The following VSTM1 variants were observed in gnomAD, a reference collection of about 807,000 sequenced individuals.
VSTM1 encodes V-set and transmembrane domain containing 1.
Under a neutral mutation model 33.1 loss-of-function variants are expected in VSTM1, and 27 were observed. The observed-to-expected ratio is 0.82, with a 90% CI of 0.60 to 1.12. VSTM1 has a LOEUF of 1.12. Among genes scored for constraint, VSTM1 ranks in the 50% most tolerant of loss-of-function variants. VSTM1 has a pLI of 0.00. For missense variants in VSTM1, 304 were observed against 288.9 expected (o/e 1.05, Z -0.38); for synonymous variants, 115 against 110.3 (o/e 1.04, Z -0.27).
At chr19:54,059,916 C>T (rs111850908) in intron 1 of VSTM1, among the ~76,000 whole-genome samples, 24 of 151,152 alleles carry the variant, frequency 1.6e-4, no homozygotes, top group African/African-American at 3.4e-4. Flanking sequence ...GGCGCGATCT[C>T]GGCTCACCGC....
At chr19:54,047,182 C>T (rs527748426) in intron 4 of VSTM1, among the ~76,000 whole-genome samples, 3 of 152,052 alleles carry the variant, frequency 2.0e-5, no homozygotes, top group South Asian at 2.1e-4. Flanking sequence ...GCAACAAGAG[C>T]GAAACTCTGT....
chr19:54,063,108 C>T (rs1447411298), intron 1 of VSTM1, among the ~76,000 whole-genome samples: 2 of 152,020 alleles, frequency 1.3e-5, no homozygotes, highest in African/African-American at 2.4e-5. Flanking sequence ...GAGGCTGAGG[C>T]GGGCGGATCA....
chr19:54,040,984 C>T lies in VSTM1; in HGVS notation c.688G>A (p.Glu230Lys). Reference sequence around the variant, plus strand: ...TGCTACACTTTCAGTGCCGCATATTCATGAGATCCTGGGGGCTCCTGGGTG... The same window carrying T: ...TGCTACACTTTCAGTGCCGCATATTTATGAGATCCTGGGGGCTCCTGGGTG... ...DTTQEPPGSH[E>K]YAALKV Residue 230 changes from glutamate to lysine, a missense_variant, in exon 9 of 9, where the codon GAA becomes AAA. Glu to Lys is a moderately conservative substitution (Grantham distance 56). Coordinates refer to ENST00000338372, the MANE Select transcript of VSTM1 (RefSeq NM_198481.4). 6.2e-7 allele frequency: 1 copy of T among 1,610,906 alleles called. No homozygotes were observed. The highest frequency in any genetic ancestry group is 1.3e-5 in the African/African-American group (1 of 74,758).
intron 3 of VSTM1, chr19:54,052,965 G>T: frequency 8.8e-6 from 1 of 113,272 alleles, no homozygotes; most frequent in South Asian, 1.6e-4. Flanking sequence ...CTGGGCAACC[G>T]AGTGGGACCC....
At chr19:54,042,225 A>AC in intron 5 of VSTM1, 29 bp from the exon 6 acceptor site, 1 of 1,614,028 alleles carries the variant, frequency 6.2e-7, no homozygotes, top group Non-Finnish European at 8.5e-7. Flanking sequence ...GAATTTACCT[A>AC]CCGAGAAAAT....
At position 54,058,457 on chromosome 19, in the gene VSTM1, G is replaced by GT. The variant is rs769585658; in HGVS notation, c.203dup (p.Tyr68Ter). ...TTTCTGCCGAGCTCTGTTCCTGCTT[G>GT]TACCCAGAGTCGTTCACCTTGCGCA... ...FVLRKVNDSG[Y>*]KQEQSSAENE... The change falls in exon 3 of 9, where the codon TAC becomes TAAC. Residue 68 changes from tyrosine to a stop codon, truncating the protein, a stop_gained and frameshift_variant. Transcript: ENST00000338372. LOFTEE classifies it high-confidence loss of function. 1.9e-6 allele frequency: 3 copies of GT among 1,614,076 alleles called. No individual in the cohort carries two copies. The highest frequency in any genetic ancestry group is 1.7e-4 in the Middle Eastern group (1 of 6,060).
rs1244817562 is a variant in VSTM1 at position 54,063,814 on chromosome 19, GT to G, written c.-38del. Reference sequence around the variant, plus strand: ...TGCCAGAACCAAGGCCCCGCCTTGGGTTTTACCCTTCAAAGGCGGAGCGGGA... The same window carrying G: ...TGCCAGAACCAAGGCCCCGCCTTGGGTTTACCCTTCAAAGGCGGAGCGGGA... On this transcript the variant is annotated 5_prime_UTR_variant, in exon 1 of 9. Transcript: ENST00000338372. 1 of 1,612,416 alleles carries G rather than the reference GT, an allele frequency of 6.2e-7. No individual in the cohort carries two copies. Among genetic ancestry groups the G allele is most frequent in the South Asian group, 1.1e-5 (1 of 90,670 alleles).
At position 54,054,660 on chromosome 19, in the gene VSTM1, TG is replaced by T. The variant is rs1291083030; in HGVS notation, c.356-3213del. Among the ~76,000 whole-genome samples the T allele has an allele frequency of 5.0e-5, 7 of 140,738 alleles. 2 individuals are homozygous for T. The highest frequency in any genetic ancestry group is 1.8e-4 in the African/African-American group (7 of 38,148). The allele number at this position is 140,738 out of a possible 152,430, so 92.3% of individuals were successfully genotyped here. On this transcript the variant is annotated intron_variant, in intron 3 of 8. Transcript: ENST00000338372. ...ATGGATGGATGGATGGATGGATGGATGGATAGATGGATAGGTGGGTGGGGGT... is the reference window on the plus strand; with the variant it reads ...ATGGATGGATGGATGGATGGATGGATGATAGATGGATAGGTGGGTGGGGGT...
Position 54,058,351 on chromosome 19 carries a change from G to T in VSTM1, c.310C>A (p.His104Asn). 6.2e-7 allele frequency: 1 copy of T among 1,614,110 alleles called. No homozygotes were observed. The highest frequency in any genetic ancestry group is 8.5e-7 in the Non-Finnish European group (1 of 1,180,020). The change falls in exon 3 of 9, where the codon CAT (histidine) becomes AAT (asparagine). Residue 104 changes from histidine (H) to asparagine (N), a missense_variant. Transcript: ENST00000338372. ...TGTTCACTGCTTTCTGACCACTCATGGGAGGCTGTTGTCTTGTAGGCACAA... is the reference window on the plus strand; with the variant it reads ...TGTTCACTGCTTTCTGACCACTCATTGGAGGCTGTTGTCTTGTAGGCACAA... ...YFCAYKTTAS[H>N]EWSESSEHLQ... is the part of the protein sequence containing the mutation.
At chr19:54,063,723 G>C in intron 1 of VSTM1, 21 bp downstream of exon 1, 1 of 1,613,332 alleles carries the variant, frequency 6.2e-7, no homozygotes, top group African/African-American at 1.3e-5. Flanking sequence ...AAGCCCATTC[G>C]TCCCAGTCCT....
At chr19:54,045,473 C>T (rs998187922) in intron 4 of VSTM1, among the ~76,000 whole-genome samples, 10 of 152,036 alleles carry the variant, frequency 6.6e-5, no homozygotes, top group African/African-American at 2.4e-4. Context: ...CTTTATCTGT[C>T]TATCCACCTG....
At chr19:54,063,635 A>C in intron 1 of VSTM1, 109 bp downstream of exon 1, 1 of 1,397,562 alleles carries the variant, frequency 7.2e-7, no homozygotes, top group Non-Finnish European at 1.0e-6. Flanking sequence ...CAGGTGTGCA[A>C]CACCTGGAAG....
Position 54,048,699 on chromosome 19 carries a change from C to T in VSTM1, c.394+2711G>A, listed in dbSNP as rs554425912. On this transcript the variant is annotated intron_variant, in intron 4 of 8. Transcript: ENST00000338372. Reference sequence around the variant, plus strand: ...CTAGGTACATACTCAAGATAATTTACAGCGCGGAGACAAACAGATACTCCT... The same window carrying T: ...CTAGGTACATACTCAAGATAATTTATAGCGCGGAGACAAACAGATACTCCT... 2.6e-5 allele frequency among the ~76,000 whole-genome samples: 4 copies of T among 152,276 alleles called. No individual in the cohort carries two copies. The East Asian group carries it at 7.7e-4, about 29-fold the overall frequency.
intron 4 of VSTM1, among the ~76,000 whole-genome samples, chr19:54,048,197 C>G (rs1461527664): frequency 6.6e-6 from 1 of 152,130 alleles, no homozygotes; most frequent in Non-Finnish European, 1.5e-5. Context: ...TTCACTGAAG[C>G]CTCAACCTCC....
rs1307298130 is a variant in VSTM1, at chr19:54,063,728, A to G, written c.34+16T>C. On this transcript the variant is annotated intron_variant, in intron 1 of 8. Coordinates refer to ENST00000338372, the MANE Select transcript of VSTM1 (RefSeq NM_198481.4). ...TCACCAGCCCAAGCCCATTCGTCCCAGTCCTGGAGACTCACCGAGGCAAAG... is the reference window on the plus strand; with the variant it reads ...TCACCAGCCCAAGCCCATTCGTCCCGGTCCTGGAGACTCACCGAGGCAAAG... 1.2e-6 allele frequency: 2 copies of G among 1,613,570 alleles called. No individual in the cohort carries two copies. The highest frequency in any genetic ancestry group is 2.7e-5 in the African/African-American group (2 of 75,040).
chr19:54,060,797 C>G, intron 1 of VSTM1, among the ~76,000 whole-genome samples: 1 of 151,736 alleles, frequency 6.6e-6, no homozygotes, highest in East Asian at 1.9e-4. Flanking sequence ...CTCAAGTGAT[C>G]CATCCATCTC....
rs1183115407 is a variant in VSTM1 at position 54,042,191 on chromosome 19, A to T, written c.493T>A (p.Ser165Thr). Residue 165 changes from serine (S) to threonine (T), a missense_variant, in exon 6 of 9, where the codon TCA becomes ACA. Transcript: ENST00000338372. Reference protein sequence around the residue: ...IIYRCSQHSSSSEESTKRTSH... With the variant: ...IIYRCSQHSSTSEESTKRTSH... ...TACCTCTTGGTGGATTCCTCAGATGATGAACCTACAAAAAATGCAGGAGGA... is the reference window on the plus strand; with the variant it reads ...TACCTCTTGGTGGATTCCTCAGATGTTGAACCTACAAAAAATGCAGGAGGA... 2 of 1,613,904 alleles carry T rather than the reference A, an allele frequency of 1.2e-6. No homozygotes were observed.
chr19:54,054,010 T>C lies in VSTM1; in HGVS notation c.356-2562A>G, dbSNP rs1221407319. The stretch of plus-strand genomic sequence containing the variant: ...GGCAGCTATTTTTGTGCCAGGTATT[T>C]TGCATTAATTTTTTTTTGTAATGGA... On this transcript the variant is annotated intron_variant, in intron 3 of 8. Coordinates refer to ENST00000338372, the MANE Select transcript of VSTM1 (RefSeq NM_198481.4). 2.1e-5 allele frequency among the ~76,000 whole-genome samples: 3 copies of C among 141,888 alleles called. No individual in the cohort carries two copies. In the East Asian group the frequency reaches 5.9e-4, roughly 28 times the overall value. 93.1% of individuals were successfully genotyped at this position (141,888 alleles called of 152,430 possible).
Position 54,042,187 on chromosome 19 carries a change from G to A in VSTM1, c.497C>T (p.Ser166Phe), listed in dbSNP as rs755381463. Residue 166 changes from serine (S) to phenylalanine (F), a missense_variant, in exon 6 of 9, where the codon TCT becomes TTT. Ser to Phe is a radical substitution (Grantham distance 155). Transcript: ENST00000338372. The part of the protein sequence containing the change: ...IYRCSQHSSS[S>F]EESTKRTSHS... ...CATCTACCTCTTGGTGGATTCCTCA[G>A]ATGATGAACCTACAAAAAATGCAGG... is the stretch of plus-strand genomic sequence containing the variant. The A allele has an allele frequency of 5.6e-6, 9 of 1,614,040 alleles. No homozygotes were observed. In the South Asian group the frequency reaches 9.9e-5, roughly 18 times the overall value.
Sources: allele counts gnomAD v4.1 joint callset (sites outside exome capture counted in the v4.1 genomes callset), GRCh38; gene constraint gnomAD v4.1.1; transcripts MANE v1.5; gene names NCBI Gene and HGNC (gene_info 2026-07-23, HGNC 2026-07-21).